The following IL18BP variants were observed in gnomAD, a reference collection of about 807,000 sequenced individuals.
IL18BP encodes the protein interleukin-18-binding protein.
IL18BP carries 23 observed loss-of-function variants against 19.9 expected under a neutral mutation model. The observed-to-expected ratio is 1.15, with a 90% confidence interval of 0.83 to 1.64. The LOEUF is 1.64. Ranked by LOEUF, IL18BP falls within the 40% of genes most tolerant of loss-of-function variation. IL18BP has a pLI of 0.00. For synonymous variants in IL18BP, 107 were observed against 101.0 expected, an observed-to-expected ratio of 1.06 and a Z score of -0.35; for missense variants, 239 against 240.7, an observed-to-expected ratio of 0.99 and a Z score of 0.05.
downstream of IL18BP, chr11:72,008,004 C>T (rs1268013985): frequency 7.0e-6 from 3 of 428,570 alleles, no homozygotes; most frequent in East Asian, 1.8e-4. Context: ...CAGGGTCAAA[C>T]CCCAGCTCTA....
At chr11:71,999,776 A>C in intron 1 of IL18BP, 151 bp from the exon 2 acceptor site, 1 of 584,430 alleles carries the variant, frequency 1.7e-6, no homozygotes. Context: ...GGGGTGGGGA[A>C]GGATTGTCAC....
downstream of IL18BP, chr11:72,004,298 CG>C (rs1955515591): frequency 6.2e-7 from 1 of 1,613,244 alleles, no homozygotes. Flanking sequence ...ATGTCGGTCT[CG>C]GGGAGTCATG....
chr11:72,004,159 G>A (rs1471809572), downstream of IL18BP: 6 of 1,602,726 alleles, frequency 3.7e-6, no homozygotes, highest in African/African-American at 2.7e-5. Context: ...CCAGCGTGCT[G>A]TGCCACGCTC....
At chr11:72,007,248 G>C (rs143730967), downstream of IL18BP, 105 of 1,612,866 alleles carry the variant, frequency 6.5e-5, no homozygotes, top group Non-Finnish European at 8.6e-5. Context: ...CGGGTCTTAC[G>C]ACCCGAGTCC....
intron 5 of IL18BP, 105 bp downstream of exon 5, chr11:72,001,657 G>T: frequency 6.2e-7 from 1 of 1,602,048 alleles, no homozygotes; most frequent in East Asian, 2.3e-5. Context: ...CTAATGCCCA[G>T]CATTCCTCAA....
At chr11:72,008,091 C>T (rs1232605987), downstream of IL18BP, 4 of 478,044 alleles carry the variant, frequency 8.4e-6, no homozygotes, top group African/African-American at 2.0e-5. Flanking sequence ...AATAAACCTA[C>T]CTCAGAGGGT....
downstream of IL18BP, chr11:72,002,906 A>G (rs903934857): frequency 3.0e-5 from 7 of 229,876 alleles, no homozygotes; most frequent in Non-Finnish European, 5.2e-5. Flanking sequence ...AATAACATTT[A>G]GAAAAGATCC....
At chr11:72,003,413 T>A (rs1955395971), downstream of IL18BP, 2 of 1,025,166 alleles carry the variant, frequency 2.0e-6, no homozygotes, top group African/African-American at 3.1e-5. Context: ...CTCTAGGGGT[T>A]TGGCTACTGT....
downstream of IL18BP, chr11:72,003,957 C>T (rs868728750): frequency 1.2e-5 from 20 of 1,613,268 alleles, no homozygotes; most frequent in Non-Finnish European, 1.4e-5. Flanking sequence ...GGTGGCAATG[C>T]GCGGAGAACG....
At chr11:72,004,520 G>A, downstream of IL18BP, 1 of 1,277,586 alleles carries the variant, frequency 7.8e-7, no homozygotes. Context: ...CAGGCCCTTG[G>A]AGAGAGGGAA....
chr11:72,006,745 G>T (rs1295882655), downstream of IL18BP, among the ~76,000 whole-genome samples: 1 of 152,116 alleles, frequency 6.6e-6, no homozygotes, highest in Non-Finnish European at 1.5e-5. Context: ...TAAACACACA[G>T]GTCCCCCCTG....
downstream of IL18BP, chr11:72,007,358 G>T (rs780948667): frequency 9.3e-6 from 15 of 1,613,632 alleles, 1 homozygote; most frequent in South Asian, 8.8e-5. Flanking sequence ...TTCTACCTTG[G>T]GGGGCAGGCG....
At chr11:72,006,290 GTGTACAGTCCCTGGCAC>G, downstream of IL18BP, 2 of 1,596,758 alleles carry the variant, frequency 1.3e-6, no homozygotes, top group Non-Finnish European at 1.7e-6. Context: ...ATCTGTTGCA[GTGTACAGTCCCTGGCAC>G]TGTACAGAAG....
chr11:71,999,998 A>C lies in IL18BP; in HGVS notation c.14A>C (p.His5Pro). 1 of 1,613,956 alleles carries C rather than the reference A, an allele frequency of 6.2e-7. No homozygotes were observed. Among genetic ancestry groups the C allele is most frequent in the East Asian group, 2.2e-5 (1 of 44,886 alleles). The stretch of plus-strand genomic sequence containing the variant: ...GACGCATGCATCATGACCATGAGAC[A>C]CAACTGGACACCAGGTAGGCCTTGG... MTMR[H>P]NWTPDLSPLW... is the part of the protein sequence containing the mutation. Residue 5 changes from histidine to proline, a missense_variant, in exon 2 of 6, where the codon CAC becomes CCC. His to Pro is a moderately conservative substitution (Grantham distance 77). Coordinates refer to ENST00000393703, the MANE Select transcript of IL18BP (RefSeq NM_001039660.2).
In IL18BP at chr11:72,000,523, G is replaced by A; in HGVS notation, c.201G>A (p.Leu67=). 4 of 1,613,220 alleles carry A rather than the reference G, an allele frequency of 2.5e-6. No individual in the cohort carries two copies. Among genetic ancestry groups the A allele is most frequent in the Non-Finnish European group, 3.4e-6 (4 of 1,180,028 alleles). ...VFPAAKQCPA[L]EVTWPEVEVP... ...CAGCAGCTAAGCAGTGTCCAGCATTGGAAGTGACCTGGCCAGAGGTGGAAG... is the reference window on the plus strand; with the variant it reads ...CAGCAGCTAAGCAGTGTCCAGCATTAGAAGTGACCTGGCCAGAGGTGGAAG... Residue 67 remains leucine, a synonymous_variant, in exon 3 of 6, where the codon TTG becomes TTA. Transcript: ENST00000393703.
intron 3 of IL18BP, among the ~76,000 whole-genome samples, chr11:72,000,791 C>G (rs1005510051): frequency 1.3e-5 from 2 of 152,228 alleles, no homozygotes; most frequent in Admixed American, 1.3e-4. Flanking sequence ...GGTCACAGGA[C>G]CTCCCAGAGC....
At chr11:72,006,282 CTG>C (rs1565188969), downstream of IL18BP, 3 of 1,609,100 alleles carry the variant, frequency 1.9e-6, no homozygotes, top group Admixed American at 5.0e-5. Context: ...CAGAGTGAAT[CTG>C]TTGCAGTGTA....
At chr11:72,003,844 G>T (rs777152882), downstream of IL18BP, 3 of 1,594,286 alleles carry the variant, frequency 1.9e-6, no homozygotes, top group Admixed American at 5.1e-5. Flanking sequence ...GGGTGCCCAT[G>T]CTCTCATCGG....
At chr11:72,004,939 G>T, downstream of IL18BP, 1 of 1,027,958 alleles carries the variant, frequency 9.7e-7, no homozygotes, top group Non-Finnish European at 1.4e-6. Context: ...TGCCTCACGA[G>T]GTAGAAAGAC....
Sources: allele counts gnomAD v4.1 joint callset (sites outside exome capture counted in the v4.1 genomes callset), GRCh38; gene constraint gnomAD v4.1.1; transcripts MANE v1.5; gene names NCBI Gene and HGNC (gene_info 2026-07-23, HGNC 2026-07-21).